GPC5: variants seen among roughly 807,000 people sequenced by gnomAD.
GPC5 encodes glypican-5.
A neutral mutation model predicts 53.9 loss-of-function variants in GPC5; 47 were observed. The observed-to-expected ratio is 0.87, with a 90% CI of 0.69 to 1.11. GPC5 has a LOEUF of 1.11. Among genes scored for constraint, GPC5 ranks in the 50% most tolerant of loss-of-function variants. The pLI, the probability that GPC5 is intolerant of heterozygous loss-of-function variation, is 0.00. For synonymous variants in GPC5, 286 were observed against 263.3 expected, an observed-to-expected ratio of 1.09 and a Z score of -0.84; for missense variants, 748 against 713.1, an observed-to-expected ratio of 1.05 and a Z score of -0.56.
intron 2 of GPC5, among the ~76,000 whole-genome samples, chr13:91,517,646 A>G (rs2351867): frequency 0.98 from 149,778 of 152,274 alleles, 73,712 homozygotes; most frequent in East Asian, 1. Context: ...TATCTTTTCA[A>G]CAATGCCCCA....
chr13:91,977,444 CTATTT>C (rs1350662648), intron 6 of GPC5, among the ~76,000 whole-genome samples: 1 of 152,070 alleles, frequency 6.6e-6, no homozygotes. Context: ...AGCTCTGTAT[CTATTT>C]TATGACTGTG....
chr13:91,701,870 G>A (rs1347295880), intron 3 of GPC5, among the ~76,000 whole-genome samples: 2 of 152,016 alleles, frequency 1.3e-5, no homozygotes, highest in South Asian at 2.1e-4. Context: ...AGGAACCACT[G>A]CACTTTTCTT....
intron 2 of GPC5, among the ~76,000 whole-genome samples, 180 bp from the exon 3 acceptor site, chr13:91,693,007 A>T (rs1465480232): frequency 6.6e-6 from 1 of 152,194 alleles, no homozygotes; most frequent in African/African-American, 2.4e-5. Flanking sequence ...TGTGTGTTGT[A>T]GGCAATGGTC....
At chr13:92,053,417 AG>A (rs1487484307) in intron 6 of GPC5, among the ~76,000 whole-genome samples, 1 of 152,152 alleles carries the variant, frequency 6.6e-6, no homozygotes, top group African/African-American at 2.4e-5. Context: ...GGGCCCATGA[AG>A]GTACTGAGCC....
rs1251043160 is a variant in GPC5 at position 92,569,155 on chromosome 13, C to T, written c.1562-297127C>T. On this transcript the variant is annotated intron_variant, in intron 7 of 7. Coordinates refer to ENST00000377067, the MANE Select transcript of GPC5 (RefSeq NM_004466.6). Reference sequence around the variant, plus strand: ...ATGTGTTCTCATTGTTCAATTCCCACCTATGAGTGAGAACATGCGGTGTTT... The same window carrying T: ...ATGTGTTCTCATTGTTCAATTCCCATCTATGAGTGAGAACATGCGGTGTTT... 3.5e-5 allele frequency among the ~76,000 whole-genome samples: 5 copies of T among 143,286 alleles called. No homozygotes were observed. The East Asian group carries it at 1.1e-3, about 31-fold the overall frequency. The allele number at this position is 143,286 out of a possible 152,430, so 94.0% of individuals were successfully genotyped here. A position where few individuals can be genotyped will look rare whatever the true frequency, so the allele number is the denominator to read the frequency against.
intron 2 of GPC5, among the ~76,000 whole-genome samples, chr13:91,544,885 G>C (rs1438935741): frequency 6.6e-6 from 1 of 152,172 alleles, no homozygotes; most frequent in Non-Finnish European, 1.5e-5. Flanking sequence ...TGCAGTCTTG[G>C]CTGGAGCTGG....
At chr13:92,230,297 T>C (rs1249973970) in intron 7 of GPC5, among the ~76,000 whole-genome samples, 1 of 152,180 alleles carries the variant, frequency 6.6e-6, no homozygotes, top group East Asian at 1.9e-4. Flanking sequence ...ATCTTCAGTG[T>C]TGTGCTAGAA....
At chr13:92,613,402 T>A (rs56159649) in intron 7 of GPC5, among the ~76,000 whole-genome samples, 1,716 of 79,946 alleles carry the variant, frequency 0.021, 75 homozygotes, top group African/African-American at 0.076. Flanking sequence ...TAAATATATA[T>A]TATATTATAT....
At chr13:92,398,461 CAA>C (rs1283738499) in intron 7 of GPC5, among the ~76,000 whole-genome samples, 1 of 149,028 alleles carries the variant, frequency 6.7e-6, no homozygotes, top group Non-Finnish European at 1.5e-5. Context: ...TTATTCCACT[CAA>C]TTTGTTTAAA....
chr13:91,727,501 A>G (rs1171372005), intron 3 of GPC5, among the ~76,000 whole-genome samples: 1 of 152,198 alleles, frequency 6.6e-6, no homozygotes, highest in Non-Finnish European at 1.5e-5. Context: ...TTTCCCTATT[A>G]TAACATTTAA....
At chr13:92,652,647 T>C (rs867476233) in intron 7 of GPC5, among the ~76,000 whole-genome samples, 2 of 152,294 alleles carry the variant, frequency 1.3e-5, no homozygotes, top group South Asian at 4.1e-4. Flanking sequence ...TCGTTACCTC[T>C]AAAATGAGGA....
chr13:92,272,532 G>A (rs564205568), intron 7 of GPC5, among the ~76,000 whole-genome samples: 2 of 152,284 alleles, frequency 1.3e-5, no homozygotes, highest in South Asian at 4.1e-4. Context: ...GGACCGGACA[G>A]GTGCAGGAGA....
chr13:91,890,762 GT>G (rs1276851690), intron 5 of GPC5, among the ~76,000 whole-genome samples: 1 of 152,164 alleles, frequency 6.6e-6, no homozygotes, highest in Non-Finnish European at 1.5e-5. Flanking sequence ...TTGCATAATA[GT>G]TTTGAGTCAT....
intron 7 of GPC5, among the ~76,000 whole-genome samples, chr13:92,533,395 A>G (rs1881624456): frequency 6.6e-6 from 1 of 152,174 alleles, no homozygotes; most frequent in African/African-American, 2.4e-5. Context: ...TTCTTCATTA[A>G]CATTACCATC....
intron 7 of GPC5, among the ~76,000 whole-genome samples, chr13:92,678,475 AT>A (rs1223293186): frequency 6.6e-6 from 1 of 152,222 alleles, no homozygotes; most frequent in Non-Finnish European, 1.5e-5. Context: ...GAGGGAAGTC[AT>A]CAAGTGGATG....
chr13:92,270,676 A>C (rs1297879624), intron 7 of GPC5, among the ~76,000 whole-genome samples: 1 of 152,212 alleles, frequency 6.6e-6, no homozygotes, highest in Non-Finnish European at 1.5e-5. Context: ...AATAACATGA[A>C]TTGCAAATAA....
At chr13:92,236,121 C>A (rs1308305231) in intron 7 of GPC5, among the ~76,000 whole-genome samples, 1 of 151,936 alleles carries the variant, frequency 6.6e-6, no homozygotes, top group African/African-American at 2.4e-5. Flanking sequence ...TTAATAGAAT[C>A]TTCTTCAAAT....
At chr13:92,300,412 T>G (rs2043067480) in intron 7 of GPC5, among the ~76,000 whole-genome samples, 1 of 152,174 alleles carries the variant, frequency 6.6e-6, no homozygotes, top group Non-Finnish European at 1.5e-5. Flanking sequence ...ATCATCAGTA[T>G]TTGGTTCTGT....
chr13:91,508,812 A>T (rs1885084792), intron 2 of GPC5, among the ~76,000 whole-genome samples: 1 of 152,236 alleles, frequency 6.6e-6, no homozygotes, highest in Admixed American at 6.5e-5. Flanking sequence ...TGCTATATAC[A>T]ATCACAGCCA....
Sources: allele counts gnomAD v4.1 joint callset (sites outside exome capture counted in the v4.1 genomes callset), GRCh38; gene constraint gnomAD v4.1.1; transcripts MANE v1.5; gene names NCBI Gene and HGNC (gene_info 2026-07-23, HGNC 2026-07-21).